Variants in FGGY observed in about 807,000 individuals in gnomAD.
The protein encoded by FGGY is FGGY carbohydrate kinase domain containing.
In FGGY, 72 loss-of-function variants were observed where a neutral mutation model predicts 71.3. The ratio of observed to expected loss-of-function variants is 1.01; its 90% CI spans 0.84 to 1.23. The LOEUF (loss-of-function observed/expected upper bound fraction) is 1.23. FGGY is among the 50% of genes most tolerant of loss of function. FGGY has a pLI of 0.00. For synonymous variants in FGGY, 251 were observed against 250.3 expected (o/e 1.00, Z -0.02); for missense variants, 668 against 682.3 (o/e 0.98, Z 0.23).
intron 8 of FGGY, among the ~76,000 whole-genome samples, chr1:59,566,337 C>A (rs1371496747): frequency 6.6e-6 from 1 of 152,124 alleles, no homozygotes; most frequent in African/African-American, 2.4e-5. Flanking sequence ...TTGTTTTTCT[C>A]TTAGTTTTTC....
At chr1:59,418,818 G>T (rs2064933697) in intron 5 of FGGY, among the ~76,000 whole-genome samples, 1 of 151,990 alleles carries the variant, frequency 6.6e-6, no homozygotes, top group Non-Finnish European at 1.5e-5. Context: ...ACACAACTTT[G>T]TCCTTATAGT....
intron 14 of FGGY, among the ~76,000 whole-genome samples, chr1:59,677,972 C>T (rs961077502): frequency 6.6e-6 from 1 of 152,116 alleles, no homozygotes; most frequent in African/African-American, 2.4e-5. Context: ...CATAGCCATT[C>T]GTTCATTCTA....
At chr1:59,658,675 A>G (rs2097245354) in intron 11 of FGGY, among the ~76,000 whole-genome samples, 1 of 152,202 alleles carries the variant, frequency 6.6e-6, no homozygotes, top group Non-Finnish European at 1.5e-5. Context: ...AACGTTTTAC[A>G]GGGAGTAACA....
chr1:59,463,361 G>A (rs2092389141), intron 6 of FGGY, among the ~76,000 whole-genome samples: 1 of 152,146 alleles, frequency 6.6e-6, no homozygotes, highest in Non-Finnish European at 1.5e-5. Flanking sequence ...CCTGAAGGAA[G>A]CACTACACAC....
At chr1:59,431,398 C>G (rs1389865333) in intron 5 of FGGY, among the ~76,000 whole-genome samples, 3 of 152,178 alleles carry the variant, frequency 2.0e-5, no homozygotes, top group African/African-American at 7.2e-5. Context: ...TATTCTCTTT[C>G]AACTCTGTAT....
At chr1:59,453,440 T>C (rs1024083966) in intron 5 of FGGY, among the ~76,000 whole-genome samples, 1 of 152,180 alleles carries the variant, frequency 6.6e-6, no homozygotes. Flanking sequence ...CCACAACCAA[T>C]GCTTGTTAGT....
At chr1:59,709,887 T>C (rs1220480214) in intron 14 of FGGY, among the ~76,000 whole-genome samples, 3 of 152,208 alleles carry the variant, frequency 2.0e-5, no homozygotes, top group African/African-American at 7.2e-5. Context: ...CCTCTGTGTG[T>C]TGTCAGCCTG....
chr1:59,723,795 G>T (rs893272935), intron 14 of FGGY, among the ~76,000 whole-genome samples: 3 of 152,174 alleles, frequency 2.0e-5, no homozygotes, highest in African/African-American at 7.2e-5. Context: ...CTAACATTCA[G>T]TGGTTTTGAT....
intron 2 of FGGY, among the ~76,000 whole-genome samples, chr1:59,326,444 G>A (rs1267639624): frequency 6.6e-6 from 1 of 152,202 alleles, no homozygotes; most frequent in Non-Finnish European, 1.5e-5. Context: ...ATAGTTTACA[G>A]TGCATCTTCA....
intron 9 of FGGY, among the ~76,000 whole-genome samples, chr1:59,622,396 T>C (rs2096819554): frequency 6.6e-6 from 1 of 152,170 alleles, no homozygotes; most frequent in African/African-American, 2.4e-5. Context: ...TTGTGATTGA[T>C]ATATTCTAGA....
intron 14 of FGGY, among the ~76,000 whole-genome samples, chr1:59,740,010 A>G (rs1277344139): frequency 1.3e-5 from 2 of 151,964 alleles, no homozygotes; most frequent in Non-Finnish European, 2.9e-5. Flanking sequence ...CCATCCTTCT[A>G]CAATGGACCA....
chr1:59,390,732 C>A (rs835431), intron 5 of FGGY, among the ~76,000 whole-genome samples: 47,068 of 151,836 alleles, frequency 0.31, 7,526 homozygotes, highest in East Asian at 0.37. Context: ...TAAAAAGACA[C>A]TCAAAATCAT....
chr1:59,467,937 CTT>C (rs1450873985), intron 6 of FGGY, among the ~76,000 whole-genome samples: 1 of 149,168 alleles, frequency 6.7e-6, no homozygotes, highest in African/African-American at 2.5e-5. Context: ...TAGTTTCTCT[CTT>C]GTTGCCCAGG....
At chr1:59,465,123 G>A (rs1422897672) in intron 6 of FGGY, among the ~76,000 whole-genome samples, 1 of 152,122 alleles carries the variant, frequency 6.6e-6, no homozygotes, top group Admixed American at 6.6e-5. Flanking sequence ...ATAACGTACT[G>A]GCAAACCGAA....
chr1:59,642,680 G>A (rs932660918), intron 11 of FGGY, among the ~76,000 whole-genome samples: 1 of 149,836 alleles, frequency 6.7e-6, no homozygotes, highest in Admixed American at 6.7e-5. Flanking sequence ...GGGAAATACT[G>A]AACATGTGTA....
rs941296726 is a variant in FGGY, at chr1:59,744,255, C to T, written c.1513-13676C>T. Among the ~76,000 whole-genome samples the T allele has an allele frequency of 4.6e-5, 7 of 152,206 alleles. No homozygotes were observed. In the East Asian group the frequency reaches 1.2e-3, roughly 25 times the overall value. The stretch of plus-strand genomic sequence containing the variant: ...GTTTTGTTTGAGACAGAGTCTCCCT[C>T]TGTCATCCAGGCTGGAGTGCAGTGG... On this transcript the variant is annotated intron_variant, in intron 14 of 15. Transcript: ENST00000303721.
chr1:59,464,298 C>T (rs981096726), intron 6 of FGGY, among the ~76,000 whole-genome samples: 1 of 152,086 alleles, frequency 6.6e-6, no homozygotes, highest in East Asian at 1.9e-4. Flanking sequence ...GTGGAAATAA[C>T]GATGTTCTTT....
chr1:59,749,470 G>A (rs1265958904), intron 14 of FGGY, among the ~76,000 whole-genome samples: 1 of 152,138 alleles, frequency 6.6e-6, no homozygotes, highest in Non-Finnish European at 1.5e-5. Flanking sequence ...GCAATTGGTG[G>A]CAGGAGAGTT....
chr1:59,674,045 C>T lies in FGGY; in HGVS notation c.1424C>T (p.Pro475Leu), dbSNP rs763150357. The T allele has an allele frequency of 3.7e-5, 60 of 1,613,576 alleles. No homozygotes were observed. Among genetic ancestry groups the T allele is most frequent in the Non-Finnish European group, 4.9e-5 (58 of 1,179,762 alleles). ...GTGGCCTTGTCCTGCGCAGGCATGC[C>T]TGTGGTCCTGTCGCAAGAGGTGGAG... ...VQMHADITGMPVVLSQEVESV... is the reference protein window; with the variant it reads ...VQMHADITGMLVVLSQEVESV... Residue 475 changes from proline (P) to leucine (L), a missense_variant, in exon 14 of 16, where the codon CCT (proline) becomes CTT (leucine). Transcript: ENST00000303721.
Sources: allele counts gnomAD v4.1 joint callset (sites outside exome capture counted in the v4.1 genomes callset), GRCh38; gene constraint gnomAD v4.1.1; transcripts MANE v1.5; gene names NCBI Gene and HGNC (gene_info 2026-07-23, HGNC 2026-07-21).